The following GLI1 variants were observed in gnomAD, a reference collection of about 807,000 sequenced individuals.
GLI1 encodes the protein transcription activator GLI1.
GLI1 carries 51 observed loss-of-function variants against 87.8 expected under a neutral mutation model. The observed-to-expected ratio is 0.58, with a 90% CI of 0.46 to 0.73. The LOEUF (loss-of-function observed/expected upper bound fraction) is 0.73. GLI1 is among the 30% of genes least tolerant of loss of function. The pLI is 0.00. For synonymous variants in GLI1, 528 were observed against 558.2 expected, an observed-to-expected ratio of 0.95 and a Z score of 0.76; for missense variants, 1,292 against 1,437.2, an observed-to-expected ratio of 0.90 and a Z score of 1.63.
chr12:57,466,504 TAAAA>T, intron 8 of GLI1, 115 bp downstream of exon 8: 1 of 685,546 alleles, frequency 1.5e-6, no homozygotes, highest in Non-Finnish European at 2.4e-6. Flanking sequence ...AAACAAATAT[TAAAA>T]ATAATGTTTG....
intron 1 of GLI1, among the ~76,000 whole-genome samples, chr12:57,461,807 G>A (rs1029856091): frequency 6.6e-6 from 1 of 152,164 alleles, no homozygotes; most frequent in African/African-American, 2.4e-5. Flanking sequence ...GCCGACTCCT[G>A]GGAGTTGGGG....
chr12:57,467,295 G>C (rs1411069164), intron 8 of GLI1, 38 bp from the exon 9 acceptor site: 3 of 1,552,678 alleles, frequency 1.9e-6, no homozygotes, highest in East Asian at 2.3e-5. Context: ...CATGTCCTCT[G>C]TCTGAGAACT....
chr12:57,463,867 A>G (rs958416109), intron 2 of GLI1, 76 bp downstream of exon 2: 4 of 969,774 alleles, frequency 4.1e-6, no homozygotes, highest in Non-Finnish European at 4.8e-6. Context: ...ACCCCATGCC[A>G]GTTTCCTATC....
rs1419295145 is a variant in GLI1 at position 57,470,709 on chromosome 12, T to G, written c.1969T>G (p.Phe657Val). Residue 657 changes from phenylalanine to valine, a missense_variant, in exon 12 of 12, where the codon TTC becomes GTC. This residue lies in a region of GLI1 where 897 missense variants were observed against 1,040.7 expected (regional missense o/e 0.86). Coordinates refer to ENST00000228682, the MANE Select transcript of GLI1 (RefSeq NM_005269.3). ...TCCTGCTCCAGCTAGAGTCCAGAGGTTCAAGAGCCTGGGCTGTGTCCATAC... is the reference window on the plus strand; with the variant it reads ...TCCTGCTCCAGCTAGAGTCCAGAGGGTCAAGAGCCTGGGCTGTGTCCATAC... Reference protein sequence around the residue: ...DRPAPARVQRFKSLGCVHTPP... With the variant: ...DRPAPARVQRVKSLGCVHTPP... 6.2e-7 allele frequency: 1 copy of G among 1,612,060 alleles called. No individual in the cohort carries two copies. Among genetic ancestry groups the G allele is most frequent in the African/African-American group, 1.3e-5 (1 of 74,920 alleles).
Position 57,468,189 on chromosome 12 carries a change from G to A in GLI1, c.1273G>A (p.Glu425Lys), listed in dbSNP as rs1871625558. Residue 425 changes from glutamate to lysine, a missense_variant, in exon 10 of 12, where the codon GAG becomes AAG. Glu to Lys is a moderately conservative substitution (Grantham distance 56). Coordinates refer to ENST00000228682, the MANE Select transcript of GLI1 (RefSeq NM_005269.3). The part of the protein sequence containing the change: ...KREREGGPIR[E>K]ESRLTVPEGA... Reference sequence around the variant, plus strand: ...GGAGCGGGAAGGAGGTCCCATCAGGGAGGAAAGCAGACTGACTGTGCCAGA... The same window carrying A: ...GGAGCGGGAAGGAGGTCCCATCAGGAAGGAAAGCAGACTGACTGTGCCAGA... 2 of 1,614,142 alleles carry A rather than the reference G, an allele frequency of 1.2e-6. No homozygotes were observed. Among genetic ancestry groups the A allele is most frequent in the African/African-American group, 2.7e-5 (2 of 75,062 alleles).
At chr12:57,467,296 T>C in intron 8 of GLI1, 37 bp from the exon 9 acceptor site, 1 of 1,555,724 alleles carries the variant, frequency 6.4e-7, no homozygotes, top group Non-Finnish European at 8.8e-7. Context: ...ATGTCCTCTG[T>C]CTGAGAACTA....
Position 57,464,579 on chromosome 12 carries a change from G to A in GLI1, c.194-94G>A, listed in dbSNP as rs987430834. On this transcript the variant is annotated intron_variant, in intron 3 of 11. Coordinates refer to ENST00000228682, the MANE Select transcript of GLI1 (RefSeq NM_005269.3). ...CATCAATAGGGCAAAGCAGAATCAA[G>A]TATCATTGGTTTTGCCAAGTCAGGA... 1.5e-5 allele frequency: 11 copies of A among 751,912 alleles called. No individual in the cohort carries two copies. In the African/African-American group the frequency reaches 1.6e-4, roughly 11 times the overall value. 46.6% of individuals were successfully genotyped at this position (751,912 alleles called of 1,614,324 possible). A position where few individuals can be genotyped will look rare whatever the true frequency, so the allele number is the denominator to read the frequency against.
In GLI1 at chr12:57,464,803, T is replaced by G. The variant is rs750081911; in HGVS notation, c.324T>G (p.Ala108=). The G allele has an allele frequency of 5.0e-6, 8 of 1,613,986 alleles. No individual in the cohort carries two copies. In the South Asian group the frequency reaches 7.7e-5, roughly 16 times the overall value. Residue 108 remains alanine (A), a synonymous_variant, in exon 4 of 12, where the codon GCT becomes GCG. Coordinates refer to ENST00000228682, the MANE Select transcript of GLI1 (RefSeq NM_005269.3). The stretch of plus-strand genomic sequence containing the variant: ...GCACCTCACCCAGCTCCCTCGTAGC[T>G]TTCATCAACTCGCGATGCACATCTC... ...VIRTSPSSLV[A]FINSRCTSPG...
intron 3 of GLI1, 77 bp downstream of exon 3, chr12:57,464,168 G>C: frequency 1.0e-6 from 1 of 966,868 alleles, no homozygotes; most frequent in Non-Finnish European, 1.7e-6. Flanking sequence ...GAGGGCAGGG[G>C]ATCTCACTTG....
chr12:57,463,948 G>A, intron 2 of GLI1, 51 bp from the exon 3 acceptor site: 1 of 1,380,696 alleles, frequency 7.2e-7, no homozygotes, highest in African/African-American at 1.4e-5. Context: ...GGGGTTTTAA[G>A]GTGAGGTTTA....
chr12:57,463,258 C>T (rs1424016898), intron 1 of GLI1, among the ~76,000 whole-genome samples: 1 of 152,188 alleles, frequency 6.6e-6, no homozygotes, highest in Non-Finnish European at 1.5e-5. Flanking sequence ...AGCTCTGTCA[C>T]CCAGGCTGGA....
intron 1 of GLI1, among the ~76,000 whole-genome samples, chr12:57,462,172 G>A (rs1002180454): frequency 1.3e-5 from 2 of 152,144 alleles, no homozygotes; most frequent in Non-Finnish European, 2.9e-5. Flanking sequence ...TAGAGGGAAG[G>A]AGGCGGGAGA....
Position 57,470,627 on chromosome 12 carries a change from C to T in GLI1, c.1887C>T (p.Tyr629=), listed in dbSNP as rs1216936106. The change falls in exon 12 of 12, where the codon TAC becomes TAT. Residue 629 remains tyrosine, a synonymous_variant. Transcript: ENST00000228682. ...PWRSRAEYPG[Y]NPNAGVTRRA... ...GAAGCCGAGCCGAGTATCCAGGATA[C>T]AACCCCAATGCAGGGGTCACCCGGA... The T allele has an allele frequency of 1.9e-6, 3 of 1,613,854 alleles. No individual in the cohort carries two copies. The highest frequency in any genetic ancestry group is 4.5e-5 in the East Asian group (2 of 44,892).
At chr12:57,469,058 T>A (rs1871693042) in intron 10 of GLI1, among the ~76,000 whole-genome samples, 1 of 152,170 alleles carries the variant, frequency 6.6e-6, no homozygotes, top group Non-Finnish European at 1.5e-5. Context: ...GGCAACTCTT[T>A]CTTAAATAGC....
intron 10 of GLI1, among the ~76,000 whole-genome samples, chr12:57,468,786 G>A (rs979056450): frequency 2.6e-5 from 4 of 151,836 alleles, no homozygotes; most frequent in Non-Finnish European, 5.9e-5. Context: ...ACGGAGTCTC[G>A]CTCTGTTGCC....
At position 57,464,613 on chromosome 12, in the gene GLI1, T is replaced by C; in HGVS notation, c.194-60T>C. ...GTTTTGCCAAGTCAGGACCCATAGG[T>C]TAGGTGCATGGAGAGACATGCCCCT... On this transcript the variant is annotated intron_variant, in intron 3 of 11. Coordinates refer to ENST00000228682, the MANE Select transcript of GLI1 (RefSeq NM_005269.3). 2.4e-6 allele frequency: 3 copies of C among 1,229,574 alleles called. No homozygotes were observed. The South Asian group carries it at 3.9e-5, about 16-fold the overall frequency. 76.2% of individuals were successfully genotyped at this position (1,229,574 alleles called of 1,614,324 possible).
intron 1 of GLI1, among the ~76,000 whole-genome samples, 185 bp from the exon 2 acceptor site, chr12:57,463,480 G>A (rs1871280207): frequency 6.6e-6 from 1 of 152,156 alleles, no homozygotes; most frequent in Non-Finnish European, 1.5e-5. Flanking sequence ...CTCTCAAAGC[G>A]TTGGAATTAC....
chr12:57,467,249 T>G, intron 8 of GLI1, 84 bp from the exon 9 acceptor site: 1 of 1,121,554 alleles, frequency 8.9e-7, no homozygotes, highest in East Asian at 2.4e-5. Flanking sequence ...TTCTCTGATG[T>G]GTGTCCTGTT....
rs1871007479 is a variant in GLI1 at position 57,459,838 on chromosome 12, G to A, written c.-391G>A. Reference sequence around the variant, plus strand: ...GGGGAGGATCCTGGGGGTCCTGGGGGTGCAATAAGCCCGGCACCCCTTCTC... The same window carrying A: ...GGGGAGGATCCTGGGGGTCCTGGGGATGCAATAAGCCCGGCACCCCTTCTC... On this transcript the variant is annotated 5_prime_UTR_variant, in exon 1 of 12. It adds an upstream start codon to the 5' untranslated region. Coordinates refer to ENST00000228682, the MANE Select transcript of GLI1 (RefSeq NM_005269.3). Among the ~76,000 whole-genome samples, 1 of 151,136 alleles carries A rather than the reference G, an allele frequency of 6.6e-6. No homozygotes were observed. The highest frequency in any genetic ancestry group is 1.5e-5 in the Non-Finnish European group (1 of 67,794).
Sources: allele counts gnomAD v4.1 joint callset (sites outside exome capture counted in the v4.1 genomes callset), GRCh38; gene constraint gnomAD v4.1.1; regional missense constraint gnomAD v4.1.1; transcripts MANE v1.5; gene names NCBI Gene and HGNC (gene_info 2026-07-23, HGNC 2026-07-21).